The following JAM3 variants were observed in gnomAD, a reference collection of about 807,000 sequenced individuals.
JAM3 encodes the protein junctional adhesion molecule 3.
A neutral mutation model predicts 39.4 loss-of-function variants in JAM3; 31 were observed. The ratio of observed to expected loss-of-function variants is 0.79; its 90% confidence interval spans 0.59 to 1.06. JAM3 has a LOEUF of 1.06. Ranked by LOEUF, JAM3 falls within the 50% of genes least tolerant of loss-of-function variation. The pLI is 0.00. For missense variants in JAM3, 455 were observed against 391.4 expected, an observed-to-expected ratio of 1.16 and a Z score of -1.37; for synonymous variants, 182 against 148.7, an observed-to-expected ratio of 1.22 and a Z score of -1.63.
At chr11:134,144,653 C>T in intron 4 of JAM3, 139 bp from the exon 5 acceptor site, 1 of 866,046 alleles carries the variant, frequency 1.2e-6, no homozygotes, top group South Asian at 1.4e-5. Flanking sequence ...TGTCAGTCTG[C>T]AGTTGTGATC....
At chr11:134,140,404 C>T (rs1380489317) in intron 2 of JAM3, among the ~76,000 whole-genome samples, 1 of 152,144 alleles carries the variant, frequency 6.6e-6, no homozygotes, top group Middle Eastern at 3.2e-3. Context: ...GCCACCGCGC[C>T]TGGCCAAGAA....
At chr11:134,102,827 A>AC (rs1158340039) in intron 1 of JAM3, among the ~76,000 whole-genome samples, 6 of 151,578 alleles carry the variant, frequency 4.0e-5, no homozygotes, top group African/African-American at 1.4e-4. Flanking sequence ...AAGTAAAAAG[A>AC]AACAAACACA....
chr11:134,144,701 T>C, intron 4 of JAM3, 91 bp from the exon 5 acceptor site: 1 of 1,201,796 alleles, frequency 8.3e-7, no homozygotes. Flanking sequence ...CTCGACTGGC[T>C]GTCTTGTCTT....
At chr11:134,107,558 G>A (rs565726146) in intron 1 of JAM3, among the ~76,000 whole-genome samples, 59 of 151,986 alleles carry the variant, frequency 3.9e-4, no homozygotes, top group Non-Finnish European at 7.5e-4. Flanking sequence ...TTAAGACTAG[G>A]CCACTAAAGC....
At chr11:134,110,017 C>A (rs1190929505) in intron 1 of JAM3, among the ~76,000 whole-genome samples, 1 of 152,188 alleles carries the variant, frequency 6.6e-6, no homozygotes, top group African/African-American at 2.4e-5. Flanking sequence ...AGTTGAGTAA[C>A]TGTAGCAGAG....
chr11:134,085,987 T>C (rs2120612677), intron 1 of JAM3, among the ~76,000 whole-genome samples: 1 of 152,286 alleles, frequency 6.6e-6, no homozygotes, highest in Non-Finnish European at 1.5e-5. Context: ...TTTAAAATAA[T>C]TTGGAGTTAG....
rs1014748777 is a variant in JAM3 at position 134,151,631 on chromosome 11, A to T, written c.*2450A>T. On this transcript the variant is annotated 3_prime_UTR_variant, in exon 9 of 9. Transcript: ENST00000299106. ...GAATGTGACTCAAGACTCGAGGCCG[A>T]TACGAGGCTGTGATTCTGCCTTTGG... The T allele has an allele frequency of 1.3e-5, 2 of 152,200 alleles. No homozygotes were observed. The highest frequency in any genetic ancestry group is 2.9e-5 in the Non-Finnish European group (2 of 68,050). 9.4% of individuals were successfully genotyped at this position (152,200 alleles called of 1,614,324 possible).
chr11:134,099,983 C>A (rs1303831729), intron 1 of JAM3, among the ~76,000 whole-genome samples: 3 of 152,176 alleles, frequency 2.0e-5, no homozygotes, highest in African/African-American at 7.2e-5. Context: ...CCAAAATATA[C>A]TTTTAAGTCA....
intron 2 of JAM3, among the ~76,000 whole-genome samples, chr11:134,140,315 G>A (rs1392281631): frequency 6.6e-6 from 1 of 152,026 alleles, no homozygotes; most frequent in Non-Finnish European, 1.5e-5. Flanking sequence ...TGCCATGTTT[G>A]GCCTGACTGG....
At chr11:134,091,419 A>C (rs997059738) in intron 1 of JAM3, among the ~76,000 whole-genome samples, 16 of 152,052 alleles carry the variant, frequency 1.1e-4, no homozygotes, top group African/African-American at 3.9e-4. Flanking sequence ...CGCTTCCCAG[A>C]ACCTGGGAGG....
chr11:134,077,679 G>T (rs558555518), intron 1 of JAM3, among the ~76,000 whole-genome samples: 2 of 124,020 alleles, frequency 1.6e-5, no homozygotes, highest in African/African-American at 3.1e-5. Flanking sequence ...TTTTTGAAAC[G>T]GAGTTTTGCT....
chr11:134,122,406 G>C (rs1237530769), intron 1 of JAM3, among the ~76,000 whole-genome samples: 1 of 152,198 alleles, frequency 6.6e-6, no homozygotes, highest in Non-Finnish European at 1.5e-5. Flanking sequence ...TACCTGCTTT[G>C]TCCATGCAGC....
intron 1 of JAM3, among the ~76,000 whole-genome samples, chr11:134,122,192 T>A (rs1942546620): frequency 6.6e-6 from 1 of 152,110 alleles, no homozygotes; most frequent in African/African-American, 2.4e-5. Context: ...ACATTTGAGG[T>A]ATCATCAGTG....
intron 1 of JAM3, among the ~76,000 whole-genome samples, chr11:134,111,144 T>TC (rs1942301112): frequency 1.2e-5 from 1 of 85,242 alleles, no homozygotes; most frequent in Non-Finnish European, 2.3e-5. Context: ...TTTTTTTTTT[T>TC]TTTTTTTTTT....
chr11:134,124,288 T>A (rs7101690), intron 1 of JAM3: 2 of 900,396 alleles, frequency 2.2e-6, no homozygotes, highest in Non-Finnish European at 3.8e-6. Context: ...AGAAAACGCA[T>A]GTTCTCACAG....
Position 134,074,084 on chromosome 11 carries a change from T to G in JAM3, c.76+4925T>G, listed in dbSNP as rs554610606. ...ATGGAGAAATGCTTATGATATCATT[T>G]AAGTGACACAAGCTGCAGGTATACT... On this transcript the variant is annotated intron_variant, in intron 1 of 8. Coordinates refer to ENST00000299106, the MANE Select transcript of JAM3 (RefSeq NM_032801.5). Among the ~76,000 whole-genome samples, 21 of 152,336 alleles carry G rather than the reference T, an allele frequency of 1.4e-4. No homozygotes were observed. In the East Asian group the frequency reaches 4.0e-3, roughly 29 times the overall value.
chr11:134,076,973 T>G (rs184465423), intron 1 of JAM3, among the ~76,000 whole-genome samples: 2 of 152,056 alleles, frequency 1.3e-5, no homozygotes, highest in African/African-American at 4.8e-5. Flanking sequence ...TAACTGGGAT[T>G]ACAGGCTCCT....
At chr11:134,118,571 C>T (rs1420866382) in intron 1 of JAM3, among the ~76,000 whole-genome samples, 1 of 152,096 alleles carries the variant, frequency 6.6e-6, no homozygotes, top group African/African-American at 2.4e-5. Context: ...TGGCCTCCCC[C>T]TGCCTGTCTC....
At chr11:134,107,956 G>A (rs1388903143) in intron 1 of JAM3, among the ~76,000 whole-genome samples, 1 of 151,866 alleles carries the variant, frequency 6.6e-6, no homozygotes, top group Non-Finnish European at 1.5e-5. Flanking sequence ...AAAGGTAAAA[G>A]CAGAAATCAT....
Sources: allele counts gnomAD v4.1 joint callset (sites outside exome capture counted in the v4.1 genomes callset), GRCh38; gene constraint gnomAD v4.1.1; transcripts MANE v1.5; gene names NCBI Gene and HGNC (gene_info 2026-07-23, HGNC 2026-07-21).